Variants in TBC1D5 observed in about 807,000 individuals in gnomAD.
TBC1D5 encodes TBC1 domain family, member 5.
A neutral mutation model predicts 100.3 loss-of-function variants in TBC1D5; 75 were observed. The ratio of observed to expected loss-of-function variants is 0.75; its 90% confidence interval spans 0.62 to 0.91. The LOEUF (loss-of-function observed/expected upper bound fraction) is 0.91, where lower values mean the gene tolerates loss of function less well. Among genes scored for constraint, TBC1D5 ranks in the 40% least tolerant of loss-of-function variants. TBC1D5 has a pLI of 0.00. For missense variants in TBC1D5, 910 were observed against 942.4 expected, an observed-to-expected ratio of 0.97 and a Z score of 0.45; for synonymous variants, 323 against 325.6, an observed-to-expected ratio of 0.99 and a Z score of 0.09.
intron 2 of TBC1D5, among the ~76,000 whole-genome samples, chr3:17,557,557 A>G (rs1179247342): frequency 1.3e-5 from 2 of 151,692 alleles, no homozygotes; most frequent in Admixed American, 6.6e-5. Context: ...TGTTGTTGTT[A>G]TTGTTGTTTT....
intron 1 of TBC1D5, among the ~76,000 whole-genome samples, chr3:17,649,250 T>A (rs1221708362): frequency 3.9e-5 from 6 of 152,128 alleles, no homozygotes; most frequent in Non-Finnish European, 8.8e-5. Flanking sequence ...TACCCCATGT[T>A]CTTATAAGTG....
At chr3:17,508,185 C>T (rs1328168922) in intron 3 of TBC1D5, among the ~76,000 whole-genome samples, 1 of 152,152 alleles carries the variant, frequency 6.6e-6, no homozygotes, top group Non-Finnish European at 1.5e-5. Context: ...AAGGCCCTTT[C>T]GCATTTCAAC....
chr3:17,617,582 C>T (rs1028375639), intron 2 of TBC1D5, among the ~76,000 whole-genome samples: 2 of 152,134 alleles, frequency 1.3e-5, no homozygotes, highest in African/African-American at 4.8e-5. Flanking sequence ...TTCTTGTAGG[C>T]TTCGTTTGCT....
At chr3:17,257,112 T>C (rs930798623) in intron 16 of TBC1D5, among the ~76,000 whole-genome samples, 2 of 149,854 alleles carry the variant, frequency 1.3e-5, no homozygotes, top group Non-Finnish European at 3.0e-5. Flanking sequence ...GATGTTTACA[T>C]GGAGGTATGA....
intron 2 of TBC1D5, among the ~76,000 whole-genome samples, chr3:17,531,111 A>T (rs545720810): frequency 1.3e-5 from 2 of 152,382 alleles, no homozygotes; most frequent in Admixed American, 1.3e-4. Context: ...AAATCTCCTT[A>T]AGCTGATAAG....
At chr3:17,617,837 T>TA (rs1028766140) in intron 2 of TBC1D5, among the ~76,000 whole-genome samples, 1 of 152,234 alleles carries the variant, frequency 6.6e-6, no homozygotes, top group African/African-American at 2.4e-5. Flanking sequence ...TGCGATGTGT[T>TA]AGAGCATGGC....
intron 4 of TBC1D5, among the ~76,000 whole-genome samples, chr3:17,417,905 T>C (rs115357174): frequency 2.3e-3 from 352 of 152,018 alleles, no homozygotes; most frequent in Non-Finnish European, 3.6e-3. Context: ...TGGAATGAGG[T>C]TTAAGATACA....
intron 13 of TBC1D5, among the ~76,000 whole-genome samples, chr3:17,346,165 C>T (rs1166548513): frequency 6.6e-6 from 1 of 151,984 alleles, no homozygotes. Context: ...TTTAATAAAT[C>T]CCAATAATAC....
chr3:17,218,613 A>G (rs963942992), intron 17 of TBC1D5, among the ~76,000 whole-genome samples: 2 of 151,842 alleles, frequency 1.3e-5, no homozygotes, highest in African/African-American at 4.8e-5. Flanking sequence ...GAATACTCTC[A>G]GTTTCTATTT....
chr3:17,544,223 G>A (rs1439523308), intron 2 of TBC1D5, among the ~76,000 whole-genome samples: 1 of 152,030 alleles, frequency 6.6e-6, no homozygotes, highest in Non-Finnish European at 1.5e-5. Context: ...CTGAACCGGG[G>A]GCCACACTTT....
chr3:17,537,898 C>T (rs867672892), intron 2 of TBC1D5, among the ~76,000 whole-genome samples: 2 of 152,196 alleles, frequency 1.3e-5, no homozygotes, highest in South Asian at 2.1e-4. Context: ...AGGCTAAGGA[C>T]GTGCCTGTGA....
At chr3:17,337,978 T>G (rs1394059058) in intron 13 of TBC1D5, among the ~76,000 whole-genome samples, 1 of 152,186 alleles carries the variant, frequency 6.6e-6, no homozygotes, top group Non-Finnish European at 1.5e-5. Context: ...TTATTGCCAA[T>G]TTTGAATTTT....
Position 17,292,014 on chromosome 3 carries a change from A to AAAAAAT in TBC1D5, c.1139-19_1139-14dup. ...TTACTAGAGATCACTAAATAAGAAGAAAAAATAATTCAGATGCAATACTAT... is the reference window on the plus strand; with the variant it reads ...TTACTAGAGATCACTAAATAAGAAGAAAAAATAAAAATAATTCAGATGCAATACTAT... On this transcript the variant is annotated splice_polypyrimidine_tract_variant and intron_variant, in intron 14 of 21. Transcript: ENST00000253692. The AAAAAAT allele has an allele frequency of 3.1e-6, 5 of 1,600,150 alleles. No individual in the cohort carries two copies. The highest frequency in any genetic ancestry group is 4.3e-6 in the Non-Finnish European group (5 of 1,168,578).
chr3:17,244,996 G>T (rs1387181540), intron 16 of TBC1D5, among the ~76,000 whole-genome samples: 1 of 148,006 alleles, frequency 6.8e-6, no homozygotes, highest in Non-Finnish European at 1.5e-5. Context: ...GACCAGCCTG[G>T]GCGATATAGT....
chr3:17,402,583 T>A (rs1575717288), intron 8 of TBC1D5, among the ~76,000 whole-genome samples: 1 of 152,274 alleles, frequency 6.6e-6, no homozygotes, highest in East Asian at 1.9e-4. Context: ...AATTACAGCA[T>A]CCGTTAGTTA....
intron 4 of TBC1D5, among the ~76,000 whole-genome samples, chr3:17,420,919 A>G (rs1452793315): frequency 1.3e-5 from 2 of 152,218 alleles, no homozygotes; most frequent in African/African-American, 4.8e-5. Flanking sequence ...ATGTAAATAA[A>G]CAAACATGAA....
chr3:17,463,943 C>CTTTTTTTTTTTTTTTTTTTTTTTTTT (rs1025162858), intron 3 of TBC1D5, among the ~76,000 whole-genome samples: 1 of 87,512 alleles, frequency 1.1e-5, no homozygotes, highest in Non-Finnish European at 2.1e-5. Context: ...TTCCTTATTC[C>CTTTTTTTTTTTTTTTTTTTTTTTTTT]TTTTTTTTTT....
intron 13 of TBC1D5, chr3:17,340,635 A>G (rs2088730295): frequency 6.6e-6 from 1 of 152,202 alleles, no homozygotes; most frequent in African/African-American, 2.4e-5. Flanking sequence ...TTATTGTTTC[A>G]TGTTAGGAAA....
At chr3:17,655,629 T>A (rs2065991873) in intron 1 of TBC1D5, among the ~76,000 whole-genome samples, 1 of 151,990 alleles carries the variant, frequency 6.6e-6, no homozygotes, top group Admixed American at 6.6e-5. Flanking sequence ...AGGTTGAGGA[T>A]CCCTAATCCG....
Sources: allele counts gnomAD v4.1 joint callset (sites outside exome capture counted in the v4.1 genomes callset), GRCh38; gene constraint gnomAD v4.1.1; transcripts MANE v1.5; gene names NCBI Gene and HGNC (gene_info 2026-07-23, HGNC 2026-07-21).